SLC5A2: variants seen among roughly 807,000 people sequenced by gnomAD.
SLC5A2 encodes the protein solute carrier family 5 member 2, also known as sodium/glucose cotransporter 2.
In SLC5A2, 67 loss-of-function variants were observed where a neutral mutation model predicts 69.0. That is an observed-to-expected ratio of 0.97 (90% CI 0.80 to 1.19). The LOEUF is 1.19. Among genes scored for constraint, SLC5A2 ranks in the 50% most tolerant of loss-of-function variants. The pLI, the probability that SLC5A2 is intolerant of heterozygous loss-of-function variation, is 0.00. For synonymous variants in SLC5A2, 455 were observed against 395.8 expected, an observed-to-expected ratio of 1.15 and a Z score of -1.78; for missense variants, 1,001 against 921.5, an observed-to-expected ratio of 1.09 and a Z score of -1.12.
At chr16:31,486,953 G>A (rs949290566) in intron 5 of SLC5A2, among the ~76,000 whole-genome samples, 2 of 152,234 alleles carry the variant, frequency 1.3e-5, no homozygotes, top group African/African-American at 4.8e-5. Flanking sequence ...GGCTGAGGCA[G>A]GAGAATTGCT....
intron 4 of SLC5A2, 48 bp from the exon 5 acceptor site, chr16:31,486,122 T>A (rs1217942991): frequency 1.4e-6 from 2 of 1,436,546 alleles, no homozygotes; most frequent in South Asian, 2.3e-5. Flanking sequence ...GGAGGTGGGC[T>A]GGGGACACTG....
rs2082503860 is a variant in SLC5A2, at chr16:31,487,341, A to G, written c.596A>G (p.Tyr199Cys). 1.9e-6 allele frequency: 3 copies of G among 1,613,774 alleles called. No homozygotes were observed. Among genetic ancestry groups the G allele is most frequent in the Middle Eastern group, 1.6e-4 (1 of 6,062 alleles). Residue 199 changes from tyrosine to cysteine, a missense_variant, in exon 6 of 14, where the codon TAC (tyrosine) becomes TGC (cysteine). By Grantham distance (194) the Tyr-to-Cys change is radical (BLOSUM62 -2). Coordinates refer to ENST00000330498, the MANE Select transcript of SLC5A2 (RefSeq NM_003041.4). The part of the protein sequence containing the change: ...TVTGGLAALM[Y>C]TDTVQTFVIL... ...GCAGGAGGGCTGGCCGCGCTGATGTACACGGACACGGTACAGACCTTCGTC... is the reference window on the plus strand; with the variant it reads ...GCAGGAGGGCTGGCCGCGCTGATGTGCACGGACACGGTACAGACCTTCGTC...
At chr16:31,485,048 A>C (rs1386854600) in intron 3 of SLC5A2, 125 bp downstream of exon 3, 1 of 904,400 alleles carries the variant, frequency 1.1e-6, no homozygotes, top group Non-Finnish European at 1.8e-6. Context: ...GCGGGGTGTG[A>C]CTGGGCTGGG....
chr16:31,487,953 C>T (rs1362643308), intron 7 of SLC5A2, 85 bp from the exon 8 acceptor site: 32 of 1,583,946 alleles, frequency 2.0e-5, no homozygotes, highest in Non-Finnish European at 2.3e-5. Context: ...ACTCACGAGC[C>T]AGAGGCGGGG....
Position 31,485,720 on chromosome 16 carries a change from C to T in SLC5A2, c.304-9C>T, listed in dbSNP as rs1343301411. On this transcript the variant is annotated splice_polypyrimidine_tract_variant and intron_variant, in intron 3 of 13. Transcript: ENST00000330498. ...AAGCCACCCTCAGCGGCAGTACTGCCCCCCGTAGGCGCTCTTCGTGGTGCT... is the reference window on the plus strand; with the variant it reads ...AAGCCACCCTCAGCGGCAGTACTGCTCCCCGTAGGCGCTCTTCGTGGTGCT... 2 of 1,612,402 alleles carry T rather than the reference C, an allele frequency of 1.2e-6. No individual in the cohort carries two copies. The highest frequency in any genetic ancestry group is 2.2e-5 in the East Asian group (1 of 44,888).
rs376958556 is a variant in SLC5A2 at position 31,489,218 on chromosome 16, G to C, written c.1545G>C (p.Ser515=). ...GCTCGGGCAGCTGTGTGCAGCCCTC[G>C]GCGTGCCCAGCTTTCCTCTGCGGCG... is the stretch of plus-strand genomic sequence containing the variant. ...SFGSGSCVQP[S]ACPAFLCGVH... is the part of the protein sequence containing the mutation. Residue 515 remains serine, a synonymous_variant, in exon 12 of 14, where the codon TCG becomes TCC. Transcript: ENST00000330498. The C allele has an allele frequency of 6.2e-7, 1 of 1,610,264 alleles. No individual in the cohort carries two copies. The highest frequency in any genetic ancestry group is 1.1e-5 in the South Asian group (1 of 91,086).
rs2082506115 is a variant in SLC5A2, at chr16:31,487,511, T to C, written c.656-19T>C. On this transcript the variant is annotated intron_variant, in intron 6 of 13. Transcript: ENST00000330498. ...TCTGAGGGTCCTAAGGAGGGTCCCCTGACGGCCTTGCCCGGCAGCCTTCCA... is the reference window on the plus strand; with the variant it reads ...TCTGAGGGTCCTAAGGAGGGTCCCCCGACGGCCTTGCCCGGCAGCCTTCCA... 3 of 1,613,264 alleles carry C rather than the reference T, an allele frequency of 1.9e-6. No homozygotes were observed. The highest frequency in any genetic ancestry group is 1.7e-5 in the Admixed American group (1 of 60,010).
intron 7 of SLC5A2, 28 bp downstream of exon 7, chr16:31,487,787 G>A (rs1489658580): frequency 1.3e-6 from 2 of 1,583,376 alleles, no homozygotes; most frequent in South Asian, 1.1e-5. Flanking sequence ...CGCCTGCAGT[G>A]AGGCCGGGGC....
chr16:31,489,915 CT>C (rs1417310809), intron 12 of SLC5A2, 188 bp from the exon 13 acceptor site: 1 of 719,380 alleles, frequency 1.4e-6, no homozygotes, highest in African/African-American at 1.7e-5. Flanking sequence ...AGCTCAGGGG[CT>C]TGGGGTTTAT....
In SLC5A2 at chr16:31,488,862, C is replaced by A; in HGVS notation, c.1281-18C>A. ...GGGAGCCCAGGGTCCGGGTTCGATC[C>A]GACGGCCTCCGCCGCAGGCTCTGGG... is the stretch of plus-strand genomic sequence containing the variant. On this transcript the variant is annotated intron_variant, in intron 10 of 13. Coordinates refer to ENST00000330498, the MANE Select transcript of SLC5A2 (RefSeq NM_003041.4). 6.2e-7 allele frequency: 1 copy of A among 1,603,674 alleles called. No homozygotes were observed. Among genetic ancestry groups the A allele is most frequent in the Non-Finnish European group, 8.5e-7 (1 of 1,179,754 alleles).
intron 12 of SLC5A2, chr16:31,489,684 G>C (rs1596622156): frequency 2.1e-6 from 1 of 473,726 alleles, no homozygotes; most frequent in East Asian, 4.2e-5. Flanking sequence ...GGTGGCTCCA[G>C]GCAGGGCTGA....
At chr16:31,484,607 T>C (rs755784848) in intron 1 of SLC5A2, 66 bp from the exon 2 acceptor site, 1 of 1,505,180 alleles carries the variant, frequency 6.6e-7, no homozygotes, top group Non-Finnish European at 9.1e-7. Flanking sequence ...GAGGAATGTG[T>C]TGAGGTGGCT....
rs1248535168 is a variant in SLC5A2 at position 31,486,073 on chromosome 16, G to T, written c.469-97G>T. 23 of 1,224,480 alleles carry T rather than the reference G, an allele frequency of 1.9e-5. No individual in the cohort carries two copies. The South Asian group carries it at 2.7e-4, about 14-fold the overall frequency. The allele number at this position is 1,224,480 out of a possible 1,614,324, so 75.9% of individuals were successfully genotyped here. ...CTACAGTGCTGGGACCTGGAAAAAT[G>T]GAGGGAAGCTTTGAGGCTAGTAGGG... On this transcript the variant is annotated intron_variant, in intron 4 of 13. Transcript: ENST00000330498.
rs774481531 is a variant in SLC5A2, at chr16:31,487,709, C to G, written c.835C>G (p.Leu279Val). The change falls in exon 7 of 14, where the codon CTG (leucine) becomes GTG (valine). Residue 279 changes from leucine (L) to valine (V), a missense_variant. By Grantham distance (32) the Leu-to-Val change is conservative (BLOSUM62 1). Coordinates refer to ENST00000330498, the MANE Select transcript of SLC5A2 (RefSeq NM_003041.4). ...GACCGGGGATCTGCCGTGGCCCGCG[C>G]TGCTCCTCGGACTCACAATCGTCTC... ...PVTGDLPWPA[L>V]LLGLTIVSGW... The G allele has an allele frequency of 6.2e-7, 1 of 1,612,980 alleles. No homozygotes were observed. The highest frequency in any genetic ancestry group is 8.5e-7 in the Non-Finnish European group (1 of 1,179,956).
rs769589113 is a variant in SLC5A2, at chr16:31,489,061, C to A, written c.1449+13C>A. 1.6e-5 allele frequency: 25 copies of A among 1,601,644 alleles called. No individual in the cohort carries two copies. The highest frequency in any genetic ancestry group is 1.1e-5 in the South Asian group (1 of 91,072). The stretch of plus-strand genomic sequence containing the variant: ...CGTTAATGAGCAGGTGAGCGGCACG[C>A]GCGTGGTGACGGCAGGGCTGGGCTT... On this transcript the variant is annotated intron_variant, in intron 11 of 13. Coordinates refer to ENST00000330498, the MANE Select transcript of SLC5A2 (RefSeq NM_003041.4).
rs2082508308 is a variant in SLC5A2 at position 31,487,644 on chromosome 16, G to C, written c.770G>C (p.Arg257Pro). The C allele has an allele frequency of 6.2e-7, 1 of 1,613,864 alleles. No individual in the cohort carries two copies. Among genetic ancestry groups the C allele is most frequent in the East Asian group, 2.2e-5 (1 of 44,888 alleles). Residue 257 changes from arginine (R) to proline (P), a missense_variant, in exon 7 of 14, where the codon CGA (arginine) becomes CCA (proline). Physicochemically the swap from Arg to Pro is moderately radical, Grantham distance 103. Transcript: ENST00000330498. Reference protein sequence around the residue: ...AVGNISSFCYRPRPDSYHLLR... With the variant: ...AVGNISSFCYPPRPDSYHLLR... ...GGAAACATCTCCAGCTTCTGCTATC[G>C]ACCCCGGCCCGACTCCTACCACCTG...
At chr16:31,489,402 G>A (rs1275874439) in intron 12 of SLC5A2, 64 bp downstream of exon 12, 2 of 1,465,188 alleles carry the variant, frequency 1.4e-6, no homozygotes, top group Admixed American at 1.8e-5. Context: ...GCTTCCTGGA[G>A]TGCCCAGCTG....
Position 31,489,254 on chromosome 16 carries a change from C to G in SLC5A2, c.1581C>G (p.Leu527=). The G allele has an allele frequency of 1.9e-6, 3 of 1,610,882 alleles. No individual in the cohort carries two copies. The South Asian group carries it at 3.3e-5, about 18-fold the overall frequency. ...CTTTCCTCTGCGGCGTGCACTACCT[C>G]TACTTCGCCATTGTGCTGTTCTTCT... is the stretch of plus-strand genomic sequence containing the variant. ...CPAFLCGVHY[L]YFAIVLFFCS... The change falls in exon 12 of 14, where the codon CTC becomes CTG. Residue 527 remains leucine, a synonymous_variant. Coordinates refer to ENST00000330498, the MANE Select transcript of SLC5A2 (RefSeq NM_003041.4).
At chr16:31,483,603 G>C (rs914212986) in intron 1 of SLC5A2, among the ~76,000 whole-genome samples, 6 of 152,108 alleles carry the variant, frequency 3.9e-5, no homozygotes, top group African/African-American at 1.4e-4. Flanking sequence ...ATAAATCCTG[G>C]GGAGTTGGGA....
Sources: gnomAD v4.1 joint callset for allele counts (sites outside exome capture counted in the v4.1 genomes callset) on GRCh38, gnomAD v4.1.1 for gene constraint, MANE v1.5 for transcripts, NCBI Gene and HGNC (gene_info 2026-07-23, HGNC 2026-07-21) for gene names.